Variants in LRRC8D observed in about 807,000 individuals in gnomAD.
The protein encoded by LRRC8D is volume-regulated anion channel subunit LRRC8D.
LRRC8D carries 20 observed loss-of-function variants against 55.8 expected under a neutral mutation model. That is an observed-to-expected ratio of 0.36 (90% confidence interval 0.25 to 0.52). LRRC8D has a LOEUF of 0.52. Ranked by LOEUF, LRRC8D falls within the 20% of genes least tolerant of loss-of-function variation. The probability of loss-of-function intolerance (pLI) is 0.93; values close to 1 mark genes in which losing one functional copy is unlikely to be tolerated. For missense variants in LRRC8D, 651 were observed against 1,030.8 expected (o/e 0.63, Z 5.05); for synonymous variants, 352 against 377.0 (o/e 0.93, Z 0.77).
rs149706158 is a variant in LRRC8D at position 89,911,334 on chromosome 1, C to T, written c.-2-21733C>T. Among the ~76,000 whole-genome samples, 34 of 152,202 alleles carry T rather than the reference C, an allele frequency of 2.2e-4. No homozygotes were observed. The highest frequency in any genetic ancestry group is 4.3e-4 in the Non-Finnish European group (29 of 68,008). Reference sequence around the variant, plus strand: ...TTTACCAGTTTGCTGAAGGGAAAATCAAACAACATATGTCCAAACTCTGTT... The same window carrying T: ...TTTACCAGTTTGCTGAAGGGAAAATTAAACAACATATGTCCAAACTCTGTT... On this transcript the variant is annotated intron_variant, in intron 2 of 2. Coordinates refer to ENST00000337338, the MANE Select transcript of LRRC8D (RefSeq NM_001134479.2). The surrounding 1 kb of genome is among the most constrained non-coding windows in gnomAD (Gnocchi z 4.0).
intron 2 of LRRC8D, among the ~76,000 whole-genome samples, chr1:89,882,477 TG>T (rs1390881646): frequency 2.6e-5 from 4 of 152,214 alleles, no homozygotes; most frequent in African/African-American, 9.6e-5. Context: ...CTGCAGGCGC[TG>T]TGAGTCCACA....
intron 2 of LRRC8D, among the ~76,000 whole-genome samples, chr1:89,881,645 A>G (rs1662285994): frequency 6.6e-6 from 1 of 152,180 alleles, no homozygotes; most frequent in Non-Finnish European, 1.5e-5. Flanking sequence ...GTTTATAGTA[A>G]TAAGGCAAGT....
At chr1:89,868,928 A>G (rs1445599970) in intron 2 of LRRC8D, among the ~76,000 whole-genome samples, 1 of 151,884 alleles carries the variant, frequency 6.6e-6, no homozygotes, top group East Asian at 1.9e-4. Context: ...TGTTTTTCAG[A>G]CAGAATCTCA....
intron 2 of LRRC8D, among the ~76,000 whole-genome samples, chr1:89,860,771 A>AT (rs1394872132): frequency 3.8e-5 from 3 of 79,736 alleles, no homozygotes; most frequent in Non-Finnish European, 8.2e-5. Flanking sequence ...AAAAAAAAAA[A>AT]AAAAAAAAAA....
In LRRC8D at chr1:89,935,118, C is replaced by T; in HGVS notation, c.2050C>T (p.Arg684Ter). The T allele has an allele frequency of 2.5e-6, 4 of 1,614,174 alleles. No homozygotes were observed. The highest frequency in any genetic ancestry group is 3.4e-6 in the Non-Finnish European group (4 of 1,180,022). The stretch of plus-strand genomic sequence containing the variant: ...AATCATCAGTTTCCAGCATTTAAAA[C>T]GACTGACTTGTTTAAAATTATGGCA... ...EEIISFQHLK[R>*]LTCLKLWHNK... The change falls in exon 3 of 3, where the codon CGA (arginine) becomes TGA (stop). Residue 684 changes from arginine to a stop codon, truncating the protein, a stop_gained. Coordinates refer to ENST00000337338, the MANE Select transcript of LRRC8D (RefSeq NM_001134479.2). LOFTEE classifies it high-confidence loss of function.
At chr1:89,929,557 C>A (rs919059986) in intron 2 of LRRC8D, among the ~76,000 whole-genome samples, 8 of 152,204 alleles carry the variant, frequency 5.3e-5, no homozygotes, top group Non-Finnish European at 1.0e-4. Flanking sequence ...TCAAAATTCA[C>A]TTATCTCTCA....
chr1:89,854,816 C>A (rs529342975), intron 2 of LRRC8D, among the ~76,000 whole-genome samples: 1 of 152,276 alleles, frequency 6.6e-6, no homozygotes, highest in South Asian at 2.1e-4. Flanking sequence ...TGTTAGATAA[C>A]CGTACCCAGG....
chr1:89,857,574 A>G (rs920225554), intron 2 of LRRC8D, among the ~76,000 whole-genome samples: 2 of 152,284 alleles, frequency 1.3e-5, no homozygotes, highest in African/African-American at 2.4e-5. Context: ...CTGAAAATCT[A>G]TGATTCTAAA....
intron 2 of LRRC8D, among the ~76,000 whole-genome samples, chr1:89,877,458 T>G (rs1662175682): frequency 6.6e-6 from 1 of 152,248 alleles, no homozygotes; most frequent in Admixed American, 6.5e-5. Flanking sequence ...GAGTGTTTGC[T>G]GTTCTTAATT....
intron 2 of LRRC8D, among the ~76,000 whole-genome samples, chr1:89,906,343 G>A (rs1335102311): frequency 2.0e-5 from 3 of 152,136 alleles, no homozygotes; most frequent in Admixed American, 6.5e-5. Context: ...TCAAACAGAA[G>A]CTCGAGCATC....
At chr1:89,890,777 G>A (rs1662556911) in intron 2 of LRRC8D, among the ~76,000 whole-genome samples, 2 of 152,142 alleles carry the variant, frequency 1.3e-5, no homozygotes, top group African/African-American at 4.8e-5. Flanking sequence ...TGCAAGTTTT[G>A]CCAGTTTTCC....
intron 2 of LRRC8D, among the ~76,000 whole-genome samples, chr1:89,888,081 C>T (rs1346109850): frequency 6.6e-6 from 1 of 152,098 alleles, no homozygotes; most frequent in African/African-American, 2.4e-5. Context: ...TTTTAAAAGC[C>T]ATTTAGGAGG....
chr1:89,865,354 A>G (rs1008507008), intron 2 of LRRC8D, among the ~76,000 whole-genome samples: 197 of 145,508 alleles, frequency 1.4e-3, no homozygotes, highest in African/African-American at 4.9e-3. Context: ...ATATATATAT[A>G]TATATACTTT....
chr1:89,909,152 A>C (rs953887981), intron 2 of LRRC8D, among the ~76,000 whole-genome samples: 1 of 152,170 alleles, frequency 6.6e-6, no homozygotes, highest in Non-Finnish European at 1.5e-5. Flanking sequence ...GGCAGATTTC[A>C]CTGGGCAGGA....
intron 2 of LRRC8D, among the ~76,000 whole-genome samples, chr1:89,852,853 C>T (rs749938717): frequency 2.0e-5 from 3 of 152,128 alleles, no homozygotes; most frequent in Non-Finnish European, 4.4e-5. Flanking sequence ...TGGAGCCAAG[C>T]GATGGTGGTA....
Position 89,933,912 on chromosome 1 carries a change from G to A in LRRC8D, c.844G>A (p.Glu282Lys). The A allele has an allele frequency of 6.2e-7, 1 of 1,613,978 alleles. No individual in the cohort carries two copies. The highest frequency in any genetic ancestry group is 8.5e-7 in the Non-Finnish European group (1 of 1,179,926). Reference sequence around the variant, plus strand: ...GACAATCCTGGATAAAAAGGATGGAGAGCAGGCCAAAGCCCTGTTTGAGAA... The same window carrying A: ...GACAATCCTGGATAAAAAGGATGGAAAGCAGGCCAAAGCCCTGTTTGAGAA... ...SMTILDKKDGEQAKALFEKVR... is the reference protein window; with the variant it reads ...SMTILDKKDGKQAKALFEKVR... Residue 282 changes from glutamate to lysine, a missense_variant, in exon 3 of 3, where the codon GAG (glutamate) becomes AAG (lysine). Around this residue, in one of 5 missense-constraint regions of LRRC8D, gnomAD observed 178 missense variants for 374.9 expected, o/e 0.47. Transcript: ENST00000337338. This position sits in a 1 kb window ranked among gnomAD's most constrained non-coding sequence, Gnocchi z 7.0.
At chr1:89,931,843 G>T (rs947833661) in intron 2 of LRRC8D, among the ~76,000 whole-genome samples, 1 of 151,972 alleles carries the variant, frequency 6.6e-6, no homozygotes, top group East Asian at 1.9e-4. Flanking sequence ...AAACTCTTGG[G>T]TACTTGCCTT....
At chr1:89,892,375 G>A (rs746618500) in intron 2 of LRRC8D, among the ~76,000 whole-genome samples, 20 of 152,146 alleles carry the variant, frequency 1.3e-4, no homozygotes, top group Non-Finnish European at 2.6e-4. Flanking sequence ...TCAGCATTGT[G>A]TGATTTAAAA....
intron 2 of LRRC8D, among the ~76,000 whole-genome samples, chr1:89,877,709 G>T (rs1662181477): frequency 6.6e-6 from 1 of 152,112 alleles, no homozygotes; most frequent in Non-Finnish European, 1.5e-5. Flanking sequence ...AACACGGTTG[G>T]GTCCAGCACG....
Sources: gnomAD v4.1 joint callset for allele counts (sites outside exome capture counted in the v4.1 genomes callset) on GRCh38, gnomAD v4.1.1 for gene constraint, gnomAD v4.1.1 regional missense constraint, Gnocchi (gnomAD v3.1) non-coding constraint, MANE v1.5 for transcripts, NCBI Gene and HGNC (gene_info 2026-07-23, HGNC 2026-07-21) for gene names.